CDH18: variants seen among roughly 807,000 people sequenced by gnomAD.
CDH18 encodes the protein cadherin-18.
In CDH18, 31 loss-of-function variants were observed where a neutral mutation model predicts 67.9. The observed-to-expected ratio is 0.46, with a 90% CI of 0.34 to 0.62. CDH18 has a LOEUF of 0.62. CDH18 is among the 20% of genes least tolerant of loss of function. CDH18 has a pLI of 0.01. For missense variants in CDH18, 890 were observed against 975.5 expected (o/e 0.91, Z 1.17); for synonymous variants, 362 against 347.2 (o/e 1.04, Z -0.48).
chr5:20,123,662 C>T (rs945044783), intron 2 of CDH18, among the ~76,000 whole-genome samples: 15 of 151,974 alleles, frequency 9.9e-5, no homozygotes, highest in African/African-American at 3.1e-4. Context: ...CCGAGGCGGG[C>T]GGATCGCGAG....
intron 5 of CDH18, among the ~76,000 whole-genome samples, chr5:19,663,164 T>G (rs532702777): frequency 3.4e-4 from 52 of 152,114 alleles, no homozygotes; most frequent in African/African-American, 1.2e-3. Context: ...TCCCTTCACA[T>G]TGCTAATGGA....
At chr5:20,556,154 G>C (rs1334094612) in intron 1 of CDH18, among the ~76,000 whole-genome samples, 2 of 152,120 alleles carry the variant, frequency 1.3e-5, no homozygotes, top group Non-Finnish European at 2.9e-5. Context: ...TGAAGAAAAA[G>C]TCTGATTTTC....
intron 2 of CDH18, among the ~76,000 whole-genome samples, chr5:19,879,377 C>T (rs1787374975): frequency 6.6e-6 from 1 of 151,754 alleles, no homozygotes; most frequent in South Asian, 2.1e-4. Flanking sequence ...TAAATACTGA[C>T]TTTACAACAA....
chr5:19,729,010 G>GA (rs1293596775), intron 4 of CDH18, among the ~76,000 whole-genome samples: 1 of 151,982 alleles, frequency 6.6e-6, no homozygotes, highest in Admixed American at 6.6e-5. Context: ...GAATTGAAAA[G>GA]AAAAAAATAT....
At chr5:20,491,979 GTTTTA>G (rs932146836) in intron 1 of CDH18, among the ~76,000 whole-genome samples, 2 of 151,596 alleles carry the variant, frequency 1.3e-5, no homozygotes, top group Non-Finnish European at 2.9e-5. Context: ...TTAATAATAT[GTTTTA>G]TTTTATTCAA....
At chr5:20,531,462 A>G (rs1421596087) in intron 1 of CDH18, among the ~76,000 whole-genome samples, 1 of 152,118 alleles carries the variant, frequency 6.6e-6, no homozygotes, top group Admixed American at 6.5e-5. Flanking sequence ...AGCACTGTTC[A>G]CAATAGCAAA....
intron 1 of CDH18, among the ~76,000 whole-genome samples, chr5:20,271,902 T>C (rs915590534): frequency 2.0e-5 from 3 of 149,882 alleles, no homozygotes; most frequent in Admixed American, 6.7e-5. Context: ...TTTTATAACA[T>C]CTGCCACTTG....
chr5:20,528,207 A>G lies in CDH18; in HGVS notation c.-580+47255T>C, dbSNP rs1368456776. ...GTAGAAGCTTCAATTCAACATGAAGAGCTAACTATCCTAAATATGTATGCA... is the reference window on the plus strand; with the variant it reads ...GTAGAAGCTTCAATTCAACATGAAGGGCTAACTATCCTAAATATGTATGCA... On this transcript the variant is annotated intron_variant, in intron 1 of 14. Transcript: ENST00000507958. Among the ~76,000 whole-genome samples the G allele has an allele frequency of 2.0e-5, 3 of 152,232 alleles. No homozygotes were observed. The East Asian group carries it at 5.8e-4, about 29-fold the overall frequency.
At chr5:20,172,780 C>T (rs984952383) in intron 2 of CDH18, among the ~76,000 whole-genome samples, 24 of 152,040 alleles carry the variant, frequency 1.6e-4, no homozygotes, top group South Asian at 6.2e-4. Context: ...CACCTGAAGT[C>T]GGGAGTTCAA....
At chr5:20,030,768 A>C (rs1739327097) in intron 2 of CDH18, among the ~76,000 whole-genome samples, 1 of 152,180 alleles carries the variant, frequency 6.6e-6, no homozygotes, top group African/African-American at 2.4e-5. Context: ...GGCCATGCAG[A>C]GTGTCCTACA....
chr5:19,939,575 G>A (rs1794621877), intron 2 of CDH18, among the ~76,000 whole-genome samples: 1 of 151,578 alleles, frequency 6.6e-6, no homozygotes, highest in African/African-American at 2.4e-5. Flanking sequence ...ACAATTTTCT[G>A]TCTTAATTAT....
intron 1 of CDH18, among the ~76,000 whole-genome samples, chr5:20,260,871 A>G (rs570324895): frequency 2.4e-4 from 36 of 152,338 alleles, no homozygotes; most frequent in African/African-American, 8.4e-4. Flanking sequence ...AACTGCAAGG[A>G]ACCAAATTCT....
intron 2 of CDH18, among the ~76,000 whole-genome samples, chr5:20,150,328 G>T (rs1478859209): frequency 6.6e-6 from 1 of 151,946 alleles, no homozygotes; most frequent in Non-Finnish European, 1.5e-5. Context: ...AGCAAATCTT[G>T]GTAGTAATAG....
chr5:20,181,887 G>A (rs953577928), intron 2 of CDH18, among the ~76,000 whole-genome samples: 3 of 152,132 alleles, frequency 2.0e-5, no homozygotes, highest in Non-Finnish European at 2.9e-5. Flanking sequence ...AACTTGCAAA[G>A]TCATAATCTG....
At chr5:20,102,187 T>A (rs972763581) in intron 2 of CDH18, among the ~76,000 whole-genome samples, 7 of 151,612 alleles carry the variant, frequency 4.6e-5, no homozygotes, top group Non-Finnish European at 8.8e-5. Context: ...AACATAAAAC[T>A]GCTGAGATTG....
intron 5 of CDH18, among the ~76,000 whole-genome samples, chr5:19,658,485 T>C (rs1392235624): frequency 6.6e-6 from 1 of 152,070 alleles, no homozygotes; most frequent in Admixed American, 6.6e-5. Context: ...AGAGTACTTA[T>C]TTACATAAAG....
chr5:20,100,794 C>T (rs1271222873), intron 2 of CDH18, among the ~76,000 whole-genome samples: 1 of 151,998 alleles, frequency 6.6e-6, no homozygotes, highest in Non-Finnish European at 1.5e-5. Flanking sequence ...ATCCCCACTA[C>T]ACCTCTGAGA....
At chr5:20,326,914 C>A (rs1429261665) in intron 1 of CDH18, among the ~76,000 whole-genome samples, 1 of 152,150 alleles carries the variant, frequency 6.6e-6, no homozygotes, top group Non-Finnish European at 1.5e-5. Flanking sequence ...ATTGCACGAT[C>A]TAGTTAACAA....
chr5:20,352,269 C>T (rs1332385524), intron 1 of CDH18, among the ~76,000 whole-genome samples: 1 of 152,080 alleles, frequency 6.6e-6, no homozygotes, highest in Non-Finnish European at 1.5e-5. Context: ...ATGATGACTT[C>T]CACTTAATGA....
Sources: gnomAD v4.1 joint callset for allele counts (sites outside exome capture counted in the v4.1 genomes callset) on GRCh38, gnomAD v4.1.1 for gene constraint, MANE v1.5 for transcripts, NCBI Gene and HGNC (gene_info 2026-07-23, HGNC 2026-07-21) for gene names.